The following ERICH1 variants were observed in gnomAD, a reference collection of about 807,000 sequenced individuals.
ERICH1 encodes glutamate-rich protein 1.
Under a neutral mutation model 39.6 loss-of-function variants are expected in ERICH1, and 56 were observed. That is an observed-to-expected ratio of 1.41 (90% CI 1.14 to 1.77). The LOEUF is 1.77. Ranked by LOEUF, ERICH1 falls within the 40% of genes most tolerant of loss-of-function variation. ERICH1 has a pLI of 0.00. For missense variants in ERICH1, 826 were observed against 575.4 expected (o/e 1.44, Z -4.45); for synonymous variants, 313 against 223.6 (o/e 1.40, Z -3.57).
At chr8:724,241 C>A (rs767845422) in intron 1 of ERICH1, among the ~76,000 whole-genome samples, 4 of 152,184 alleles carry the variant, frequency 2.6e-5, no homozygotes, top group Non-Finnish European at 5.9e-5. Flanking sequence ...TGCAGGCCAG[C>A]TGCTCAGGAT....
At chr8:633,026 G>A (rs751259498) in intron 3 of ERICH1, among the ~76,000 whole-genome samples, 5 of 152,180 alleles carry the variant, frequency 3.3e-5, no homozygotes, top group Non-Finnish European at 5.9e-5. Flanking sequence ...GCTCTTGGAC[G>A]CTGCTGGTGG....
intron 3 of ERICH1, among the ~76,000 whole-genome samples, chr8:690,550 G>C (rs55696534): frequency 0.21 from 31,970 of 152,258 alleles, 4,260 homozygotes; most frequent in Non-Finnish European, 0.3. Flanking sequence ...GCCTCCGGGA[G>C]GGTGGAAACC....
intron 3 of ERICH1, chr8:627,038 T>C (rs1797627394): frequency 4.5e-6 from 2 of 445,906 alleles, no homozygotes; most frequent in Non-Finnish European, 9.1e-6. Context: ...CTCCCTTCTG[T>C]CTCCTCGGAG....
intron 3 of ERICH1, among the ~76,000 whole-genome samples, chr8:632,937 C>A (rs1229988272): frequency 6.6e-6 from 1 of 152,196 alleles, no homozygotes; most frequent in Non-Finnish European, 1.5e-5. Context: ...TGCCCCACAG[C>A]AAAGAGCCGT....
Position 692,461 on chromosome 8 carries a change from C to A in ERICH1, c.304+17G>T, listed in dbSNP as rs1286537504. 5 of 1,613,896 alleles carry A rather than the reference C, an allele frequency of 3.1e-6. No individual in the cohort carries two copies. Among genetic ancestry groups the A allele is most frequent in the Non-Finnish European group, 4.2e-6 (5 of 1,179,972 alleles). ...ATCTGCAAAGATGTCTACCTTTCCT[C>A]CCACCCAGCATTTTACCTTCTGTGT... On this transcript the variant is annotated intron_variant, in intron 3 of 5. Transcript: ENST00000262109.
chr8:649,513 G>T (rs887368255), intron 3 of ERICH1, among the ~76,000 whole-genome samples: 45 of 152,094 alleles, frequency 3.0e-4, no homozygotes, highest in Non-Finnish European at 5.0e-4. Flanking sequence ...AATGCTCAGA[G>T]CCCCTGGGCC....
In ERICH1 at chr8:696,017, C is replaced by T. The variant is rs373303701; in HGVS notation, c.170-3405G>A. 3.7e-3 allele frequency among the ~76,000 whole-genome samples: 59 copies of T among 15,748 alleles called. 5 individuals carry two copies. The highest frequency in any genetic ancestry group is 0.042 in the Middle Eastern group (1 of 24). 10.3% of individuals were successfully genotyped at this position (15,748 alleles called of 152,430 possible). On this transcript the variant is annotated intron_variant, in intron 2 of 5. Transcript: ENST00000262109. ...CCATCAGCCTGCGCCTGTGCTGGCT[C>T]CTCTCACCCTCCACTCCTCTCCTTC... is the stretch of plus-strand genomic sequence containing the variant.
At chr8:692,353 G>A in intron 3 of ERICH1, 125 bp downstream of exon 3, 1 of 1,365,436 alleles carries the variant, frequency 7.3e-7, no homozygotes, top group Non-Finnish European at 1.0e-6. Flanking sequence ...TCATTATACA[G>A]TGTAACAACA....
chr8:629,456 C>T (rs950794107), intron 3 of ERICH1, among the ~76,000 whole-genome samples: 3 of 151,002 alleles, frequency 2.0e-5, no homozygotes, highest in African/African-American at 2.4e-5. Context: ...CTGACTCACA[C>T]GCTCCCGTGA....
At chr8:711,523 G>C (rs974230052) in intron 2 of ERICH1, among the ~76,000 whole-genome samples, 1 of 150,272 alleles carries the variant, frequency 6.7e-6, no homozygotes, top group Non-Finnish European at 1.5e-5. Flanking sequence ...TTTTGAGATG[G>C]AGTCTTGCTC....
chr8:715,810 G>A (rs772883093), intron 2 of ERICH1, 51 bp downstream of exon 2: 22 of 1,572,016 alleles, frequency 1.4e-5, no homozygotes, highest in Admixed American at 1.8e-5. Context: ...TGATGATGAC[G>A]GAGGTTAACT....
At chr8:671,385 G>A (rs1214994016) in intron 4 of ERICH1, among the ~76,000 whole-genome samples, 2 of 142,396 alleles carry the variant, frequency 1.4e-5, no homozygotes, top group African/African-American at 5.3e-5. Context: ...CGGCTCTAAT[G>A]TCTGTGCTCA....
intron 3 of ERICH1, among the ~76,000 whole-genome samples, chr8:619,779 TC>T (rs777881820): frequency 3.1e-4 from 47 of 152,294 alleles, no homozygotes; most frequent in Middle Eastern, 6.8e-3. Flanking sequence ...TTGTATGAAG[TC>T]TATGGAATTG....
chr8:702,511 C>T (rs1282742673), intron 2 of ERICH1, among the ~76,000 whole-genome samples: 1 of 152,170 alleles, frequency 6.6e-6, no homozygotes, highest in East Asian at 1.9e-4. Flanking sequence ...CAGGAGCAGG[C>T]ACCTCCCACC....
intron 3 of ERICH1, among the ~76,000 whole-genome samples, chr8:618,854 T>G (rs2117016346): frequency 6.6e-6 from 1 of 152,136 alleles, no homozygotes; most frequent in South Asian, 2.1e-4. Context: ...AGATCAGTGG[T>G]GGAAATTTCA....
intron 4 of ERICH1, 64 bp from the exon 5 acceptor site, chr8:668,856 G>A: frequency 1.4e-6 from 2 of 1,455,730 alleles, no homozygotes; most frequent in Admixed American, 2.2e-5. Flanking sequence ...CTAAAGATAA[G>A]CTTTCCTCTC....
At chr8:615,684 G>A (rs553189540) in intron 3 of ERICH1, 1 of 162,410 alleles carries the variant, frequency 6.2e-6, no homozygotes, top group East Asian at 1.7e-4. Context: ...AGTCAGTCTA[G>A]TCTAAACAGG....
At chr8:653,993 G>A (rs542992455) in intron 3 of ERICH1, among the ~76,000 whole-genome samples, 21 of 152,292 alleles carry the variant, frequency 1.4e-4, no homozygotes, top group African/African-American at 4.1e-4. Flanking sequence ...TGGAGAAGTC[G>A]GAGCCACAGA....
intron 2 of ERICH1, among the ~76,000 whole-genome samples, chr8:710,089 G>A (rs1411573271): frequency 1.3e-5 from 2 of 152,204 alleles, no homozygotes; most frequent in Non-Finnish European, 2.9e-5. Flanking sequence ...CACCGTCAGA[G>A]CCGTACATTC....
Sources: gnomAD v4.1 joint callset for allele counts (sites outside exome capture counted in the v4.1 genomes callset) on GRCh38, gnomAD v4.1.1 for gene constraint, MANE v1.5 for transcripts, NCBI Gene and HGNC (gene_info 2026-07-23, HGNC 2026-07-21) for gene names.